The following TUSC3 variants were observed in gnomAD, a reference collection of about 807,000 sequenced individuals.
The protein encoded by TUSC3 is tumor suppressor candidate 3.
In TUSC3, 45 loss-of-function variants were observed where a neutral mutation model predicts 44.8. The ratio of observed to expected loss-of-function variants is 1.00; its 90% CI spans 0.79 to 1.29. The LOEUF is 1.29. Ranked by LOEUF, TUSC3 falls within the 50% of genes most tolerant of loss-of-function variation. The pLI is 0.00. For synonymous variants in TUSC3, 212 were observed against 152.9 expected, an observed-to-expected ratio of 1.39 and a Z score of -2.85; for missense variants, 519 against 437.9, an observed-to-expected ratio of 1.19 and a Z score of -1.65.
At chr8:15,759,037 G>C (rs2129223642) in intron 10 of TUSC3, among the ~76,000 whole-genome samples, 1 of 152,198 alleles carries the variant, frequency 6.6e-6, no homozygotes, top group Admixed American at 6.5e-5. Flanking sequence ...CTAGCTAAGG[G>C]CCACAATGTA....
In TUSC3 at chr8:15,764,388, G is replaced by GATTACTAAATGCTAC; in HGVS notation, c.*232_*233insATTACTAAATGCTAC. On this transcript the variant is annotated 3_prime_UTR_variant, in exon 11 of 11. Transcript: ENST00000503731. Reference sequence around the variant, plus strand: ...ATTTAATTTACAGAAATCAATGGTAGCATTTAGTAATCTACAAAGGAAATA... The same window carrying GATTACTAAATGCTAC: ...ATTTAATTTACAGAAATCAATGGTAGATTACTAAATGCTACCATTTAGTAATCTACAAAGGAAATA... 1 of 644,468 alleles carries GATTACTAAATGCTAC rather than the reference G, an allele frequency of 1.6e-6. No homozygotes were observed. Among genetic ancestry groups the GATTACTAAATGCTAC allele is most frequent in the Non-Finnish European group, 2.7e-6 (1 of 374,592 alleles). 39.9% of individuals were successfully genotyped at this position (644,468 alleles called of 1,614,324 possible).
At chr8:15,789,201 G>T in the TUSC3 span, among the ~76,000 whole-genome samples, 1 of 152,110 alleles carries the variant, frequency 6.6e-6, no homozygotes, top group Non-Finnish European at 1.5e-5. Flanking sequence ...ATTCCACCGA[G>T]GCGGCTCATG....
At chr8:15,614,079 AT>A (rs574502744) in intron 1 of TUSC3, among the ~76,000 whole-genome samples, 1 of 149,598 alleles carries the variant, frequency 6.7e-6, no homozygotes, top group Non-Finnish European at 1.5e-5. Flanking sequence ...AGAGAAAATT[AT>A]TTTTTTCTCC....
chr8:15,423,770 G>C (rs927260274), intron 1 of TUSC3, among the ~76,000 whole-genome samples: 2 of 151,920 alleles, frequency 1.3e-5, no homozygotes, highest in Non-Finnish European at 2.9e-5. Flanking sequence ...GTAAGTCTGA[G>C]GTAAATGGAA....
chr8:15,560,401 G>C (rs1381485555), intron 1 of TUSC3, among the ~76,000 whole-genome samples: 1 of 143,158 alleles, frequency 7.0e-6, no homozygotes, highest in South Asian at 2.3e-4. Context: ...TTCCCTTTGA[G>C]GGTAACCCGA....
At chr8:15,671,302 C>G (rs1452459133) in intron 5 of TUSC3, among the ~76,000 whole-genome samples, 1 of 151,830 alleles carries the variant, frequency 6.6e-6, no homozygotes, top group Non-Finnish European at 1.5e-5. Context: ...GAATCATGCC[C>G]TTTTTTGTAT....
intron 1 of TUSC3, among the ~76,000 whole-genome samples, chr8:15,620,426 G>T (rs1805193042): frequency 1.3e-5 from 2 of 152,078 alleles, no homozygotes; most frequent in African/African-American, 4.8e-5. Flanking sequence ...TGATTGTGTA[G>T]AAATTATATT....
chr8:15,668,362 C>G (rs969031062), intron 5 of TUSC3, among the ~76,000 whole-genome samples: 1 of 151,320 alleles, frequency 6.6e-6, no homozygotes, highest in Non-Finnish European at 1.5e-5. Flanking sequence ...AATAGTGATT[C>G]TTTGTTTCAG....
chr8:15,522,461 G>T (rs968926917), intron 2 of TUSC3, among the ~76,000 whole-genome samples: 1 of 151,770 alleles, frequency 6.6e-6, no homozygotes, highest in Admixed American at 6.6e-5. Flanking sequence ...TTGAACTCCC[G>T]AACTCAGGTG....
intron 2 of TUSC3, among the ~76,000 whole-genome samples, chr8:15,497,985 A>G (rs545458763): frequency 3.1e-4 from 47 of 152,116 alleles, no homozygotes; most frequent in Admixed American, 7.2e-4. Flanking sequence ...CTGACCTAAA[A>G]TGATCCGCCC....
At chr8:15,650,598 A>C in intron 2 of TUSC3, 99 bp from the exon 3 acceptor site, 1 of 947,588 alleles carries the variant, frequency 1.1e-6, no homozygotes, top group Non-Finnish European at 1.7e-6. Context: ...TCTGTACAAA[A>C]ACTGGCCAGT....
intron 6 of TUSC3, among the ~76,000 whole-genome samples, chr8:15,716,978 T>C (rs1810084372): frequency 6.6e-6 from 1 of 152,116 alleles, no homozygotes; most frequent in South Asian, 2.1e-4. Context: ...TTTAAATGTA[T>C]TGTATATTTA....
chr8:15,601,279 T>TC (rs989127143), intron 1 of TUSC3, among the ~76,000 whole-genome samples: 28 of 151,558 alleles, frequency 1.8e-4, no homozygotes, highest in Non-Finnish European at 2.2e-4. Flanking sequence ...ATGCATTGTT[T>TC]CCCCCCCGTT....
At chr8:15,492,209 T>G (rs953332498) in intron 2 of TUSC3, among the ~76,000 whole-genome samples, 2 of 152,156 alleles carry the variant, frequency 1.3e-5, no homozygotes, top group Admixed American at 1.3e-4. Context: ...AATCTGAATC[T>G]TACTTGGGTA....
chr8:15,615,766 G>T (rs1554459982), intron 1 of TUSC3, among the ~76,000 whole-genome samples: 1 of 151,612 alleles, frequency 6.6e-6, no homozygotes, highest in South Asian at 2.1e-4. Flanking sequence ...AACTGAAAAG[G>T]AAAAAAGAAA....
At chr8:15,426,503 C>T (rs552875999) in intron 1 of TUSC3, among the ~76,000 whole-genome samples, 1 of 152,276 alleles carries the variant, frequency 6.6e-6, no homozygotes, top group East Asian at 1.9e-4. Context: ...TATATTTGTC[C>T]TTCTGTGACT....
At chr8:15,808,002 CTA>C in the TUSC3 span, among the ~76,000 whole-genome samples, 2 of 4,998 alleles carry the variant, frequency 4.0e-4, no homozygotes, top group African/African-American at 1.4e-3. Flanking sequence ...ATATGTACCT[CTA>C]TTGAATCTAA....
rs1812264063 is a variant in TUSC3 at position 15,764,227 on chromosome 8, G to T, written c.*71G>T. On this transcript the variant is annotated 3_prime_UTR_variant, in exon 11 of 11. Transcript: ENST00000503731. ...GCTTTTTAATTAAATGAAGCCAAGT[G>T]GGATTTGCATAAAGTGAATGTTTAC... The T allele has an allele frequency of 6.2e-7, 1 of 1,606,362 alleles. No individual in the cohort carries two copies. The highest frequency in any genetic ancestry group is 1.3e-5 in the African/African-American group (1 of 74,630).
the TUSC3 span, among the ~76,000 whole-genome samples, chr8:15,843,743 T>A: frequency 6.6e-6 from 1 of 152,004 alleles, no homozygotes; most frequent in Admixed American, 6.6e-5. Flanking sequence ...GTGTATGATG[T>A]ATATAAAACA....
Sources: gnomAD v4.1 joint callset for allele counts (sites outside exome capture counted in the v4.1 genomes callset) on GRCh38, gnomAD v4.1.1 for gene constraint, MANE v1.5 for transcripts, NCBI Gene and HGNC (gene_info 2026-07-23, HGNC 2026-07-21) for gene names.